ALS2: variants seen among roughly 807,000 people sequenced by gnomAD.
ALS2 encodes alsin.
Under a neutral mutation model 203.4 loss-of-function variants are expected in ALS2, and 117 were observed. That is an observed-to-expected ratio of 0.58 (90% confidence interval 0.50 to 0.67). The LOEUF (loss-of-function observed/expected upper bound fraction) is 0.67, where lower values mean the gene tolerates loss of function less well. ALS2 is among the 30% of genes least tolerant of loss of function. The probability of loss-of-function intolerance (pLI) is 0.00; values close to 1 mark genes in which losing one functional copy is unlikely to be tolerated. For synonymous variants in ALS2, 718 were observed against 725.9 expected (o/e 0.99, Z 0.17); for missense variants, 1,715 against 1,989.4 (o/e 0.86, Z 2.62).
intron 8 of ALS2, among the ~76,000 whole-genome samples, chr2:201,749,374 T>C (rs1692879471): frequency 6.6e-6 from 1 of 152,130 alleles, no homozygotes; most frequent in Non-Finnish European, 1.5e-5. Context: ...CAATGGAGAA[T>C]TCAAAGAGTA....
chr2:201,741,642 A>T, intron 11 of ALS2, 32 bp downstream of exon 11: 1 of 1,606,116 alleles, frequency 6.2e-7, no homozygotes, highest in East Asian at 2.2e-5. Context: ...AACCCTGCAG[A>T]GATTGAACAT....
At chr2:201,727,316 C>T (rs764150602) in intron 16 of ALS2, 38 bp from the exon 17 acceptor site, 1 of 1,500,886 alleles carries the variant, frequency 6.7e-7, no homozygotes, top group Non-Finnish European at 9.3e-7. Flanking sequence ...GGACATTTAA[C>T]AACCTGTCAT....
At chr2:201,720,132 A>G (rs1221012926) in intron 23 of ALS2, 2 of 439,114 alleles carry the variant, frequency 4.6e-6, no homozygotes, top group Admixed American at 2.6e-5. Context: ...AATTATCCTG[A>G]TATCAAAGAC....
chr2:201,708,037 G>T, intron 27 of ALS2, 46 bp from the exon 28 acceptor site: 3 of 1,570,802 alleles, frequency 1.9e-6, no homozygotes, highest in Non-Finnish European at 2.6e-6. Flanking sequence ...ACCTCTAGGG[G>T]GGTTGAAAAG....
intron 26 of ALS2, among the ~76,000 whole-genome samples, chr2:201,710,301 T>C (rs868332348): frequency 6.6e-6 from 1 of 151,984 alleles, no homozygotes; most frequent in Admixed American, 6.6e-5. Context: ...GGAATACCAC[T>C]AAAAGAAAGA....
At chr2:201,732,495 G>A (rs555998128) in intron 13 of ALS2, among the ~76,000 whole-genome samples, 63 of 152,136 alleles carry the variant, frequency 4.1e-4, no homozygotes, top group African/African-American at 1.4e-3. Context: ...TTGAACCTGG[G>A]AGGTGGAGGT....
At chr2:201,744,123 C>G in intron 10 of ALS2, 135 bp downstream of exon 10, 6 of 967,864 alleles carry the variant, frequency 6.2e-6, no homozygotes, top group Non-Finnish European at 9.5e-6. Context: ...TGTTGACTAC[C>G]TGTGTACACA....
At chr2:201,726,441 A>G (rs1288318440) in intron 19 of ALS2, 43 bp downstream of exon 19, 1 of 1,515,358 alleles carries the variant, frequency 6.6e-7, no homozygotes, top group African/African-American at 1.4e-5. Context: ...TTACGACCTT[A>G]CCGAACTTGA....
In ALS2 at chr2:201,718,113, C is replaced by A; in HGVS notation, c.3800G>T (p.Ser1267Ile). The change falls in exon 24 of 34, where the codon AGT becomes ATT. Residue 1267 changes from serine (S) to isoleucine (I), a missense_variant. This residue lies in a region of ALS2 where 1,227 missense variants were observed against 1,413.5 expected (regional missense o/e 0.87). Coordinates refer to ENST00000264276, the MANE Select transcript of ALS2 (RefSeq NM_020919.4). ...IKITGTYFKPSLYESDKDRPK... is the reference protein window; with the variant it reads ...IKITGTYFKPILYESDKDRPK... ...TCTGTCTTTATCACTCTCATATAGACTAGGTTTGAAGTAGGTTCCAGTGAT... is the reference window on the plus strand; with the variant it reads ...TCTGTCTTTATCACTCTCATATAGAATAGGTTTGAAGTAGGTTCCAGTGAT... 6.2e-7 allele frequency: 1 copy of A among 1,613,674 alleles called. No individual in the cohort carries two copies.
intron 4 of ALS2, 42 bp from the exon 5 acceptor site, chr2:201,757,801 C>G: frequency 7.1e-7 from 1 of 1,408,072 alleles, no homozygotes; most frequent in Non-Finnish European, 9.7e-7. Context: ...AAATATAATC[C>G]CTTATGCAAC....
rs1553515273 is a variant in ALS2, at chr2:201,761,465, C to G, written c.529G>C (p.Gly177Arg). ...ISREIWAWGTGCQLGLITTAF... is the reference protein window; with the variant it reads ...ISREIWAWGTRCQLGLITTAF... ...GTGGTAATGAGACCCAACTGACAAC[C>G]GGTACCCCATGCCCAAATCTCTCTG... The change falls in exon 4 of 34, where the codon GGT (glycine) becomes CGT (arginine). Residue 177 changes from glycine to arginine, a missense_variant. By Grantham distance (125) the Gly-to-Arg change is moderately radical (BLOSUM62 -2). Around this residue, in one of 3 missense-constraint regions of ALS2, gnomAD observed 476 missense variants for 539.3 expected, o/e 0.88. Coordinates refer to ENST00000264276, the MANE Select transcript of ALS2 (RefSeq NM_020919.4). 5 of 1,608,262 alleles carry G rather than the reference C, an allele frequency of 3.1e-6. No homozygotes were observed. The highest frequency in any genetic ancestry group is 4.3e-6 in the Non-Finnish European group (5 of 1,175,280).
rs897907861 is a variant in ALS2, at chr2:201,747,501, T to A, written c.1816-753A>T. ...TTTGAGACTCTTTCGCCCAGGCTGGTGTGCAGTGGCGCAATCTCGGCTCAC... is the reference window on the plus strand; with the variant it reads ...TTTGAGACTCTTTCGCCCAGGCTGGAGTGCAGTGGCGCAATCTCGGCTCAC... On this transcript the variant is annotated intron_variant, in intron 8 of 33. Coordinates refer to ENST00000264276, the MANE Select transcript of ALS2 (RefSeq NM_020919.4). Among the ~76,000 whole-genome samples the A allele has an allele frequency of 9.3e-5, 13 of 140,410 alleles. No individual in the cohort carries two copies. In the East Asian group the frequency reaches 1.0e-3, roughly 11 times the overall value. 92.1% of individuals were successfully genotyped at this position (140,410 alleles called of 152,430 possible). A position where few individuals can be genotyped will look rare whatever the true frequency, so the allele number is the denominator to read the frequency against.
chr2:201,732,555 G>A (rs1046115191), intron 13 of ALS2, among the ~76,000 whole-genome samples: 5 of 152,196 alleles, frequency 3.3e-5, no homozygotes, highest in Admixed American at 6.5e-5. Flanking sequence ...GTGACAGAAC[G>A]AGACTCTGTC....
At chr2:201,767,155 C>T in intron 3 of ALS2, 74 bp downstream of exon 3, 3 of 1,581,928 alleles carry the variant, frequency 1.9e-6, no homozygotes, top group Non-Finnish European at 2.6e-6. Context: ...CCAATGACTC[C>T]CATACCTGAC....
intron 31 of ALS2, 22 bp downstream of exon 31, chr2:201,705,116 CT>C (rs764067612): frequency 1.2e-6 from 2 of 1,609,440 alleles, no homozygotes; most frequent in South Asian, 2.2e-5. Flanking sequence ...ATTTGTATGG[CT>C]TTTCAACAAA....
At position 201,761,457 on chromosome 2, in the gene ALS2, C is replaced by A; in HGVS notation, c.537G>T (p.Gln179His). The A allele has an allele frequency of 1.9e-6, 3 of 1,607,538 alleles. No individual in the cohort carries two copies. The highest frequency in any genetic ancestry group is 1.1e-5 in the South Asian group (1 of 90,756). ...GGAAGGCAGTGGTAATGAGACCCAA[C>A]TGACAACCGGTACCCCATGCCCAAA... ...REIWAWGTGC[Q>H]LGLITTAFPV... The change falls in exon 4 of 34, where the codon CAG becomes CAT. Residue 179 changes from glutamine (Q) to histidine (H), a missense_variant. Transcript: ENST00000264276.
At chr2:201,702,193 A>G (rs1574650169) in intron 33 of ALS2, among the ~76,000 whole-genome samples, 1 of 151,706 alleles carries the variant, frequency 6.6e-6, no homozygotes, top group African/African-American at 2.4e-5. Context: ...GCCATTACTG[A>G]TTGGACATTT....
At chr2:201,748,510 A>G (rs763993293) in intron 8 of ALS2, among the ~76,000 whole-genome samples, 1 of 152,194 alleles carries the variant, frequency 6.6e-6, no homozygotes, top group Non-Finnish European at 1.5e-5. Context: ...ATCTTGTAAC[A>G]AACTATTCTC....
chr2:201,715,984 C>CTA, intron 24 of ALS2, 145 bp from the exon 25 acceptor site: 1 of 850,990 alleles, frequency 1.2e-6, no homozygotes, highest in African/African-American at 1.7e-5. Flanking sequence ...TTTTAAAACA[C>CTA]TAAATGAAAA....
Sources: allele counts gnomAD v4.1 joint callset (sites outside exome capture counted in the v4.1 genomes callset), GRCh38; gene constraint gnomAD v4.1.1; regional missense constraint gnomAD v4.1.1; transcripts MANE v1.5; gene names NCBI Gene and HGNC (gene_info 2026-07-23, HGNC 2026-07-21).